ITSN2: variants seen among roughly 807,000 people sequenced by gnomAD.
ITSN2 encodes intersectin-2.
Under a neutral mutation model 243.7 loss-of-function variants are expected in ITSN2, and 156 were observed. The ratio of observed to expected loss-of-function variants is 0.64; its 90% confidence interval spans 0.56 to 0.73. The LOEUF is 0.73. ITSN2 is among the 30% of genes least tolerant of loss of function. The pLI is 0.00. For synonymous variants in ITSN2, 703 were observed against 699.9 expected, an observed-to-expected ratio of 1.00 and a Z score of -0.07; for missense variants, 1,801 against 1,996.1, an observed-to-expected ratio of 0.90 and a Z score of 1.86.
At chr2:24,299,771 T>A in intron 12 of ITSN2, 138 bp downstream of exon 12, 1 of 718,530 alleles carries the variant, frequency 1.4e-6, no homozygotes, top group South Asian at 1.9e-5. Context: ...ATGATCAGAT[T>A]TGTATAGGGT....
At chr2:24,265,159 C>T (rs1016154549) in intron 20 of ITSN2, among the ~76,000 whole-genome samples, 1 of 152,154 alleles carries the variant, frequency 6.6e-6, no homozygotes, top group Non-Finnish European at 1.5e-5. Context: ...GACTTCTTAT[C>T]TTTTTCTAAA....
intron 4 of ITSN2, among the ~76,000 whole-genome samples, chr2:24,313,240 C>T (rs1462578279): frequency 6.6e-6 from 1 of 151,908 alleles, no homozygotes; most frequent in East Asian, 1.9e-4. Flanking sequence ...GTGGCCACCA[C>T]ACCCAGCTAA....
chr2:24,243,272 T>C (rs1384195991), intron 29 of ITSN2, among the ~76,000 whole-genome samples: 2 of 152,188 alleles, frequency 1.3e-5, no homozygotes, highest in African/African-American at 2.4e-5. Flanking sequence ...GATTGTCTTG[T>C]CTTGTTTGTA....
In ITSN2 at chr2:24,275,847, T is replaced by C. The variant is rs1162684128; in HGVS notation, c.1947A>G (p.Glu649=). The change falls in exon 18 of 40, where the codon GAA becomes GAG. Residue 649 remains glutamate (E), a splice_region_variant and synonymous_variant. Transcript: ENST00000355123. ...CLNNLFLLLK[E]LRETYNTQQL... Reference sequence around the variant, plus strand: ...GCTGTGTGTTGTAGGTTTCTCTCAGTTCCTAAGGAGAAAAAGAAAATAAGT... The same window carrying C: ...GCTGTGTGTTGTAGGTTTCTCTCAGCTCCTAAGGAGAAAAAGAAAATAAGT... 3.1e-6 allele frequency: 5 copies of C among 1,591,566 alleles called. No individual in the cohort carries two copies. The highest frequency in any genetic ancestry group is 3.4e-6 in the Non-Finnish European group (4 of 1,170,524).
intron 37 of ITSN2, 40 bp from the exon 38 acceptor site, chr2:24,205,337 A>C: frequency 1.5e-5 from 23 of 1,533,948 alleles, no homozygotes; most frequent in Non-Finnish European, 1.6e-5. Flanking sequence ...TCTCTTCTCC[A>C]AGGATGCAGA....
At chr2:24,343,313 A>G (rs1486705091) in intron 1 of ITSN2, among the ~76,000 whole-genome samples, 1 of 152,172 alleles carries the variant, frequency 6.6e-6, no homozygotes, top group Non-Finnish European at 1.5e-5. Context: ...ATTGTTCCAG[A>G]TATTTCCTAT....
Position 24,204,100 on chromosome 2 carries a change from C to T in ITSN2, c.4936+145G>A, listed in dbSNP as rs904566779. 3.7e-6 allele frequency: 3 copies of T among 810,478 alleles called. No individual in the cohort carries two copies. The highest frequency in any genetic ancestry group is 5.9e-6 in the Non-Finnish European group (3 of 509,360). The allele number at this position is 810,478 out of a possible 1,614,324, so 50.2% of individuals were successfully genotyped here. A position where few individuals can be genotyped will look rare whatever the true frequency, so the allele number is the denominator to read the frequency against. On this transcript the variant is annotated intron_variant, in intron 39 of 39. Transcript: ENST00000355123. This position sits in a 1 kb window ranked among gnomAD's most constrained non-coding sequence, Gnocchi z 5.1. The stretch of plus-strand genomic sequence containing the variant: ...CTCCTCCCCTGAGGAAGGCCACCCA[C>T]CTGCTGCCAAAGCGAGATGACACAG...
intron 37 of ITSN2, chr2:24,205,549 A>AG (rs1668777720): frequency 2.3e-6 from 1 of 436,878 alleles, no homozygotes; most frequent in Non-Finnish European, 4.3e-6. Context: ...TGCAGGTCTG[A>AG]TCCCACATCT....
intron 1 of ITSN2, among the ~76,000 whole-genome samples, chr2:24,357,815 C>T (rs1688587322): frequency 6.6e-6 from 1 of 152,174 alleles, no homozygotes; most frequent in Non-Finnish European, 1.5e-5. Flanking sequence ...AAATGTTTTA[C>T]AAGTAAATAC....
intron 1 of ITSN2, among the ~76,000 whole-genome samples, chr2:24,351,129 C>T (rs1027548791): frequency 1.3e-5 from 2 of 152,152 alleles, no homozygotes; most frequent in Middle Eastern, 3.2e-3. Flanking sequence ...TGATCTTATT[C>T]CCATGCCTCC....
At chr2:24,221,177 C>T in intron 29 of ITSN2, 111 bp from the exon 30 acceptor site, 1 of 1,258,148 alleles carries the variant, frequency 7.9e-7, no homozygotes, top group Non-Finnish European at 1.1e-6. Flanking sequence ...AAGAATGACG[C>T]AGCCTTAAAA....
intron 17 of ITSN2, among the ~76,000 whole-genome samples, chr2:24,280,425 C>T (rs904410173): frequency 1.3e-5 from 2 of 152,038 alleles, no homozygotes; most frequent in African/African-American, 4.8e-5. Flanking sequence ...TGACCCAATC[C>T]CCTACTCATT....
intron 36 of ITSN2, 38 bp downstream of exon 36, chr2:24,209,062 C>T (rs778225423): frequency 6.8e-6 from 11 of 1,608,874 alleles, no homozygotes; most frequent in Non-Finnish European, 9.4e-6. Flanking sequence ...AGGCCTTCTC[C>T]CAGAGTTCAA....
intron 2 of ITSN2, among the ~76,000 whole-genome samples, chr2:24,317,704 T>C (rs1684092542): frequency 6.6e-6 from 1 of 152,242 alleles, no homozygotes; most frequent in African/African-American, 2.4e-5. Flanking sequence ...GCTAATTGAA[T>C]TGTCTGTGTC....
At chr2:24,293,051 CT>C (rs1680463736) in intron 15 of ITSN2, among the ~76,000 whole-genome samples, 2 of 152,230 alleles carry the variant, frequency 1.3e-5, no homozygotes, top group South Asian at 2.1e-4. Flanking sequence ...CTTGTTTCTG[CT>C]ATGCTTTTAT....
chr2:24,292,959 T>C (rs1428828739), intron 15 of ITSN2, among the ~76,000 whole-genome samples: 2 of 152,224 alleles, frequency 1.3e-5, no homozygotes, highest in East Asian at 1.9e-4. Flanking sequence ...ATTGACTTGA[T>C]AGAGACTCAA....
chr2:24,246,905 CA>C lies in ITSN2; in HGVS notation c.3289-13del. Reference sequence around the variant, plus strand: ...TTTTTTCCTCTGGCCTAAAAATTAGCAAAAGAAATACATAATTGAAAGATGA... The same window carrying C: ...TTTTTTCCTCTGGCCTAAAAATTAGCAAAGAAATACATAATTGAAAGATGA... On this transcript the variant is annotated splice_polypyrimidine_tract_variant and intron_variant, in intron 27 of 39. Transcript: ENST00000355123. 4 of 1,520,974 alleles carry C rather than the reference CA, an allele frequency of 2.6e-6. No individual in the cohort carries two copies. Among genetic ancestry groups the C allele is most frequent in the Non-Finnish European group, 3.6e-6 (4 of 1,101,138 alleles). The allele number at this position is 1,520,974 out of a possible 1,614,324, so 94.2% of individuals were successfully genotyped here.
intron 36 of ITSN2, 74 bp downstream of exon 36, chr2:24,209,026 T>G: frequency 1.3e-6 from 2 of 1,548,120 alleles, no homozygotes; most frequent in South Asian, 1.1e-5. Flanking sequence ...CGGCTGGAGA[T>G]GGGTTTATGG....
At chr2:24,303,001 T>C (rs974249301) in intron 9 of ITSN2, among the ~76,000 whole-genome samples, 6 of 152,228 alleles carry the variant, frequency 3.9e-5, no homozygotes, top group Non-Finnish European at 7.3e-5. Flanking sequence ...GTGGTGATGC[T>C]AGTCTGAACA....
Sources: allele counts gnomAD v4.1 joint callset (sites outside exome capture counted in the v4.1 genomes callset), GRCh38; gene constraint gnomAD v4.1.1; non-coding constraint Gnocchi (gnomAD v3.1); transcripts MANE v1.5; gene names NCBI Gene and HGNC (gene_info 2026-07-23, HGNC 2026-07-21).